Variants in C1orf167 observed in about 807,000 individuals in gnomAD.
C1orf167 encodes the protein uncharacterized protein C1orf167.
A neutral mutation model predicts 176.5 loss-of-function variants in C1orf167; 153 were observed. The ratio of observed to expected loss-of-function variants is 0.87; its 90% confidence interval spans 0.76 to 0.99. The LOEUF is 0.99. Among genes scored for constraint, C1orf167 ranks in the 50% least tolerant of loss-of-function variants. The probability of loss-of-function intolerance (pLI) is 0.00; values close to 1 mark genes in which losing one functional copy is unlikely to be tolerated. For synonymous variants in C1orf167, 594 were observed against 752.7 expected (o/e 0.79, Z 3.45); for missense variants, 1,490 against 1,817.7 (o/e 0.82, Z 3.28).
rs1643983808 is a variant in C1orf167, at chr1:11,788,758, C to A, written c.4173+12C>A. On this transcript the variant is annotated intron_variant, in intron 20 of 20. Transcript: ENST00000688073. The stretch of plus-strand genomic sequence containing the variant: ...CAGCAGGAAGATGGGTGGGTCCTTT[C>A]CCAGGTACTGCCCTCTTCCCTGCAT... 1 of 1,303,444 alleles carries A rather than the reference C, an allele frequency of 7.7e-7. No individual in the cohort carries two copies. Among genetic ancestry groups the A allele is most frequent in the Non-Finnish European group, 1.0e-6 (1 of 988,436 alleles). 80.7% of individuals were successfully genotyped at this position (1,303,444 alleles called of 1,614,324 possible). A position where few individuals can be genotyped will look rare whatever the true frequency, so the allele number is the denominator to read the frequency against.
intron 9 of C1orf167, among the ~76,000 whole-genome samples, chr1:11,775,878 T>C (rs6696752): frequency 0.68 from 102,907 of 152,064 alleles, 35,644 homozygotes; most frequent in East Asian, 0.89. Flanking sequence ...GCTGGTATCC[T>C]AGATCCTGCC....
At chr1:11,775,720 T>C (rs1164886967) in intron 9 of C1orf167, 110 bp downstream of exon 9, 71 of 1,203,946 alleles carry the variant, frequency 5.9e-5, no homozygotes, top group Non-Finnish European at 7.0e-5. Context: ...AACTGGGGCT[T>C]TCTAGGAGGG....
intron 13 of C1orf167, 89 bp downstream of exon 13, chr1:11,780,099 G>A: frequency 9.9e-7 from 1 of 1,014,716 alleles, no homozygotes; most frequent in Non-Finnish European, 1.3e-6. Flanking sequence ...CCAACAACTT[G>A]ACTGTAACCG....
intron 20 of C1orf167, chr1:11,789,046 GC>G: frequency 2.4e-6 from 1 of 409,338 alleles, no homozygotes; most frequent in Non-Finnish European, 4.5e-6. Context: ...GGTCCTGAGC[GC>G]CCCCTCCCTC....
At chr1:11,782,702 C>G (rs1195169370) in intron 14 of C1orf167, among the ~76,000 whole-genome samples, 1 of 152,108 alleles carries the variant, frequency 6.6e-6, no homozygotes, top group Non-Finnish European at 1.5e-5. Flanking sequence ...AGGTGGATCA[C>G]TTGAGATCAG....
In C1orf167 at chr1:11,775,533, A is replaced by T. The variant is rs1165834610; in HGVS notation, c.2087A>T (p.Gln696Leu). The change falls in exon 9 of 21, where the codon CAG becomes CTG. Residue 696 changes from glutamine to leucine, a missense_variant. Transcript: ENST00000688073. ...RTGTLRKCLEQWVRMKQLRES... is the reference protein window; with the variant it reads ...RTGTLRKCLELWVRMKQLRES... ...GGGACCCTGAGGAAATGCCTGGAACAGTGGGTGCGGATGAAGCAGCTCCGG... is the reference window on the plus strand; with the variant it reads ...GGGACCCTGAGGAAATGCCTGGAACTGTGGGTGCGGATGAAGCAGCTCCGG... 3.1e-6 allele frequency: 4 copies of T among 1,304,158 alleles called. No homozygotes were observed. Among genetic ancestry groups the T allele is most frequent in the Non-Finnish European group, 4.0e-6 (4 of 988,950 alleles). 80.8% of individuals were successfully genotyped at this position (1,304,158 alleles called of 1,614,324 possible).
Position 11,784,049 on chromosome 1 carries a change from G to A in C1orf167, c.3006-125G>A, listed in dbSNP as rs536004148. ...ATTTTTGTATTTTTAATAGAGACGG[G>A]GTTTCACCACGTTGGTCAGGCTGGT... On this transcript the variant is annotated intron_variant, in intron 14 of 20. Coordinates refer to ENST00000688073, the MANE Select transcript of C1orf167 (RefSeq NM_001010881.2). 1.2e-3 allele frequency: 996 copies of A among 841,374 alleles called. 3 individuals are homozygous for A. Among genetic ancestry groups the A allele is most frequent in the Admixed American group, 1.6e-3 (39 of 23,948 alleles). 52.1% of individuals were successfully genotyped at this position (841,374 alleles called of 1,614,324 possible). A position where few individuals can be genotyped will look rare whatever the true frequency, so the allele number is the denominator to read the frequency against.
rs1280893268 is a variant in C1orf167 at position 11,787,509 on chromosome 1, C to T, written c.3673+16C>T. 1.6e-6 allele frequency: 2 copies of T among 1,290,222 alleles called. No homozygotes were observed. The highest frequency in any genetic ancestry group is 2.0e-6 in the Non-Finnish European group (2 of 981,622). The allele number at this position is 1,290,222 out of a possible 1,614,324, so 79.9% of individuals were successfully genotyped here. A position where few individuals can be genotyped will look rare whatever the true frequency, so the allele number is the denominator to read the frequency against. Reference sequence around the variant, plus strand: ...TGGGCTCAGAGTAAGGAGACCTTGCCCCGGGGGACAAACGGTGTCTGAAGT... The same window carrying T: ...TGGGCTCAGAGTAAGGAGACCTTGCTCCGGGGGACAAACGGTGTCTGAAGT... On this transcript the variant is annotated intron_variant, in intron 17 of 20. Transcript: ENST00000688073.
chr1:11,766,800 C>G lies in C1orf167; in HGVS notation c.1014C>G (p.Ser338=), dbSNP rs915908178. 104 of 1,289,494 alleles carry G rather than the reference C, an allele frequency of 8.1e-5. No individual in the cohort carries two copies. The highest frequency in any genetic ancestry group is 9.1e-5 in the Non-Finnish European group (90 of 988,762). 79.9% of individuals were successfully genotyped at this position (1,289,494 alleles called of 1,614,324 possible). ...CTTTGGGGACACGGACCAAGGATTC[C>G]CTTAATCCTGAGCAGGGGCTCCCTC... ...ETTLGTRTKD[S]LNPEQGLPPA... Residue 338 remains serine, a synonymous_variant, in exon 3 of 21, where the codon TCC becomes TCG. Transcript: ENST00000688073. The surrounding 1 kb of genome is among the most constrained non-coding windows in gnomAD (Gnocchi z 4.5).
chr1:11,780,421 A>C (rs1643541403), intron 13 of C1orf167, among the ~76,000 whole-genome samples: 1 of 152,032 alleles, frequency 6.6e-6, no homozygotes, highest in African/African-American at 2.4e-5. Flanking sequence ...ATACCCTCCC[A>C]TCCCGTAGCA....
At chr1:11,775,685 TG>T (rs1643282236) in intron 9 of C1orf167, 75 bp downstream of exon 9, 2 of 1,237,202 alleles carry the variant, frequency 1.6e-6, no homozygotes, top group Non-Finnish European at 2.1e-6. Context: ...CAGTTGAATA[TG>T]TGAATTCTTG....
Position 11,772,317 on chromosome 1 carries a change from G to A in C1orf167, c.1988+58G>A, listed in dbSNP as rs1316475546. ...GTCTCACTCTGTCACCTAGGCTGAA[G>A]TACAGTGGCACCATCTTGCTCACTG... is the stretch of plus-strand genomic sequence containing the variant. On this transcript the variant is annotated intron_variant, in intron 8 of 20. Transcript: ENST00000688073. 9.6e-6 allele frequency: 12 copies of A among 1,246,632 alleles called. No individual in the cohort carries two copies. The South Asian group carries it at 1.6e-4, about 17-fold the overall frequency. The allele number at this position is 1,246,632 out of a possible 1,614,324, so 77.2% of individuals were successfully genotyped here. A position where few individuals can be genotyped will look rare whatever the true frequency, so the allele number is the denominator to read the frequency against.
chr1:11,777,210 CT>C (rs1322064650), intron 10 of C1orf167: 3 of 152,728 alleles, frequency 2.0e-5, no homozygotes, highest in African/African-American at 7.2e-5. Context: ...GTGTTGAGAC[CT>C]GGGTGCTGCC....
chr1:11,775,570 G>T lies in C1orf167; in HGVS notation c.2124G>T (p.Gly708=), dbSNP rs1177853201. The T allele has an allele frequency of 2.3e-6, 3 of 1,304,012 alleles. No homozygotes were observed. The highest frequency in any genetic ancestry group is 3.0e-6 in the Non-Finnish European group (3 of 988,906). 80.8% of individuals were successfully genotyped at this position (1,304,012 alleles called of 1,614,324 possible). ...VRMKQLRESD[G]AKVTQLSLCR... ...TGAAGCAGCTCCGGGAATCAGATGG[G>T]GCAAAGGTGACCCAGCTGTCCCTCT... Residue 708 remains glycine (G), a synonymous_variant, in exon 9 of 21, where the codon GGG becomes GGT. Transcript: ENST00000688073.
chr1:11,788,835 CT>C (rs1643988184), intron 20 of C1orf167, 89 bp downstream of exon 20: 6 of 1,176,956 alleles, frequency 5.1e-6, no homozygotes, highest in Non-Finnish European at 6.8e-6. Flanking sequence ...CACCGTGGAG[CT>C]TTCCCTGCTT....
chr1:11,789,363 G>C lies in C1orf167; in HGVS notation c.4267G>C (p.Gly1423Arg). 1 of 1,304,116 alleles carries C rather than the reference G, an allele frequency of 7.7e-7. No homozygotes were observed. The highest frequency in any genetic ancestry group is 1.0e-6 in the Non-Finnish European group (1 of 988,924). 80.8% of individuals were successfully genotyped at this position (1,304,116 alleles called of 1,614,324 possible). ...PRPWSKPGPKGPESGQEAARA... is the reference protein window; with the variant it reads ...PRPWSKPGPKRPESGQEAARA... ...ACCCTGGAGCAAGCCAGGCCCCAAG[G>C]GCCCCGAGAGTGGACAGGAAGCCGC... Residue 1423 changes from glycine (G) to arginine (R), a missense_variant, in exon 21 of 21, where the codon GGC becomes CGC. By Grantham distance (125) the Gly-to-Arg change is moderately radical (BLOSUM62 -2). Coordinates refer to ENST00000688073, the MANE Select transcript of C1orf167 (RefSeq NM_001010881.2).
intron 6 of C1orf167, 53 bp from the exon 7 acceptor site, chr1:11,771,471 G>A (rs539987188): frequency 1.3e-5 from 15 of 1,187,740 alleles, no homozygotes; most frequent in Admixed American, 2.3e-5. Context: ...GGTTGGGACC[G>A]AGTGCCCTTC....
At chr1:11,774,650 T>C (rs929014694) in intron 8 of C1orf167, among the ~76,000 whole-genome samples, 3 of 152,092 alleles carry the variant, frequency 2.0e-5, no homozygotes, top group African/African-American at 7.2e-5. Context: ...GGACCCTTGT[T>C]AGTACAGGGT....
chr1:11,778,394 C>T (rs55738118), intron 10 of C1orf167: 20,820 of 208,680 alleles, frequency 0.1, 1,200 homozygotes, highest in African/African-American at 0.13. Context: ...GAAGCCCAGA[C>T]TGTACCCTGA....
Sources: gnomAD v4.1 joint callset for allele counts (sites outside exome capture counted in the v4.1 genomes callset) on GRCh38, gnomAD v4.1.1 for gene constraint, Gnocchi (gnomAD v3.1) non-coding constraint, MANE v1.5 for transcripts, NCBI Gene and HGNC (gene_info 2026-07-23, HGNC 2026-07-21) for gene names.